The following GBE1 variants were observed in gnomAD, a reference collection of about 807,000 sequenced individuals.
GBE1 encodes the protein 1,4-alpha-glucan-branching enzyme.
In GBE1, 70 loss-of-function variants were observed where a neutral mutation model predicts 88.8. That is an observed-to-expected ratio of 0.79 (90% CI 0.65 to 0.96). GBE1 has a LOEUF of 0.96. GBE1 is among the 40% of genes least tolerant of loss of function. The pLI is 0.00. For synonymous variants in GBE1, 284 were observed against 300.1 expected (o/e 0.95, Z 0.56); for missense variants, 872 against 871.0 (o/e 1.00, Z -0.01).
At chr3:81,717,762 G>T (rs1705959710) in intron 1 of GBE1, among the ~76,000 whole-genome samples, 1 of 151,654 alleles carries the variant, frequency 6.6e-6, no homozygotes, top group Non-Finnish European at 1.5e-5. Context: ...TTCTTATTTG[G>T]GTGCTAAAAT....
chr3:81,702,421 C>T (rs888232023), intron 2 of GBE1, among the ~76,000 whole-genome samples: 1 of 151,890 alleles, frequency 6.6e-6, no homozygotes, highest in Admixed American at 6.6e-5. Flanking sequence ...TAACTTTGGA[C>T]ATAAAAAAGA....
chr3:81,671,055 A>G (rs1289532614), intron 2 of GBE1, 102 bp from the exon 3 acceptor site: 4 of 507,380 alleles, frequency 7.9e-6, no homozygotes, highest in Admixed American at 4.3e-5. Flanking sequence ...AAAAAATCAA[A>G]TTGTCTAAAA....
chr3:81,748,032 A>G (rs1224891397), intron 1 of GBE1, among the ~76,000 whole-genome samples: 1 of 152,202 alleles, frequency 6.6e-6, no homozygotes, highest in African/African-American at 2.4e-5. Flanking sequence ...AAGCAGGAGA[A>G]TCATTTCAAA....
intron 14 of GBE1, chr3:81,534,794 G>C (rs552487415): frequency 6.5e-6 from 1 of 153,754 alleles, no homozygotes; most frequent in South Asian, 2.0e-4. Context: ...GAAATATTCA[G>C]TTATACTTTT....
At chr3:81,621,218 G>A (rs983088015) in intron 7 of GBE1, among the ~76,000 whole-genome samples, 1 of 152,088 alleles carries the variant, frequency 6.6e-6, no homozygotes, top group Non-Finnish European at 1.5e-5. Flanking sequence ...ATTTGGTGAT[G>A]GATTGAGTGT....
intron 7 of GBE1, chr3:81,612,483 C>T (rs1283865513): frequency 6.8e-6 from 7 of 1,026,802 alleles, no homozygotes; most frequent in Admixed American, 1.8e-5. Context: ...AATTCTGTCA[C>T]TTCAACTCTG....
At chr3:81,569,848 C>G (rs1017916006) in intron 12 of GBE1, among the ~76,000 whole-genome samples, 1 of 151,990 alleles carries the variant, frequency 6.6e-6, no homozygotes, top group Non-Finnish European at 1.5e-5. Context: ...AGATTTTGCT[C>G]TTGTTGCCCA....
At chr3:81,527,983 A>G (rs1011389738) in intron 14 of GBE1, among the ~76,000 whole-genome samples, 3 of 152,082 alleles carry the variant, frequency 2.0e-5, no homozygotes, top group Non-Finnish European at 4.4e-5. Flanking sequence ...TCCAACAATG[A>G]TAGACTGGAT....
intron 14 of GBE1, among the ~76,000 whole-genome samples, chr3:81,516,077 C>T (rs537743204): frequency 8.6e-5 from 13 of 151,744 alleles, no homozygotes; most frequent in African/African-American, 2.4e-4. Context: ...TATTGATAAA[C>T]GTGACTACAC....
At chr3:81,716,204 T>A (rs1705934727) in intron 1 of GBE1, among the ~76,000 whole-genome samples, 1 of 152,202 alleles carries the variant, frequency 6.6e-6, no homozygotes, top group African/African-American at 2.4e-5. Flanking sequence ...TTGTTCTTAC[T>A]TAGTCTAAAG....
At chr3:81,510,145 G>A (rs1026078667) in intron 14 of GBE1, among the ~76,000 whole-genome samples, 2 of 151,956 alleles carry the variant, frequency 1.3e-5, no homozygotes, top group African/African-American at 4.8e-5. Flanking sequence ...CATCAAAGGG[G>A]TTTGTCAAAA....
rs1706132612 is a variant in GBE1, at chr3:81,727,725, A to C, written c.144-22112T>G. ...AGTACAAAAGAGAATATGAATGTCA[A>C]TATAAAATGAGACTCCAAGTAAAAA... is the stretch of plus-strand genomic sequence containing the variant. On this transcript the variant is annotated intron_variant, in intron 1 of 15. Coordinates refer to ENST00000429644, the MANE Select transcript of GBE1 (RefSeq NM_000158.4). 2.0e-5 allele frequency among the ~76,000 whole-genome samples: 3 copies of C among 152,348 alleles called. No homozygotes were observed. In the East Asian group the frequency reaches 5.8e-4, roughly 29 times the overall value.
intron 7 of GBE1, among the ~76,000 whole-genome samples, chr3:81,613,266 G>T (rs1230145411): frequency 1.3e-5 from 2 of 151,506 alleles, no homozygotes; most frequent in Non-Finnish European, 2.9e-5. Flanking sequence ...AACAGGAAAA[G>T]AGTCTCTACC....
At position 81,511,561 on chromosome 3, in the gene GBE1, G is replaced by A. The variant is rs79414018; in HGVS notation, c.1935-12334C>T. On this transcript the variant is annotated intron_variant, in intron 14 of 15. Transcript: ENST00000429644. ...ACTTCTTACAAGAAGACATACAAGC[G>A]TTCACCAAACACATGAAAAAAATGC... Among the ~76,000 whole-genome samples the A allele has an allele frequency of 6.2e-3, 938 of 151,704 alleles. 20 individuals carry two copies. Among genetic ancestry groups the A allele is most frequent in the African/African-American group, 0.022 (896 of 41,388 alleles).
rs72906277 is a variant in GBE1 at position 81,704,451 on chromosome 3, C to T, written c.313+993G>A. ...CAATCAGGATATAAAACATTTTCAC[C>T]ACCCCAAAAATTCCCTCACGTCCCT... On this transcript the variant is annotated intron_variant, in intron 2 of 15. Coordinates refer to ENST00000429644, the MANE Select transcript of GBE1 (RefSeq NM_000158.4). Among the ~76,000 whole-genome samples, 553 of 151,952 alleles carry T rather than the reference C, an allele frequency of 3.6e-3. 6 individuals are homozygous for T. Among genetic ancestry groups the T allele is most frequent in the African/African-American group, 0.013 (528 of 41,476 alleles).
At position 81,499,126 on chromosome 3, in the gene GBE1, C is replaced by A. The variant is rs758188572; in HGVS notation, c.2036G>T (p.Arg679Leu). 6.3e-7 allele frequency: 1 copy of A among 1,588,422 alleles called. No homozygotes were observed. The highest frequency in any genetic ancestry group is 2.2e-5 in the East Asian group (1 of 44,628). ...FFSEAFEHNG[R>L]PYSLLVYIPS... is the part of the protein sequence containing the mutation. ...CTTACTTACCAAAAGAGAATAGGGA[C>A]GCCCATTATGTTCAAAAGCCTCAGA... The change falls in exon 15 of 16, where the codon CGT becomes CTT. Residue 679 changes from arginine to leucine, a missense_variant. Physicochemically the swap from Arg to Leu is moderately radical, Grantham distance 102. Coordinates refer to ENST00000429644, the MANE Select transcript of GBE1 (RefSeq NM_000158.4).
intron 2 of GBE1, among the ~76,000 whole-genome samples, chr3:81,703,536 TTTATC>T (rs1238426341): frequency 1.3e-5 from 2 of 152,026 alleles, no homozygotes; most frequent in Admixed American, 6.6e-5. Context: ...TATATTTTAT[TTTATC>T]TTAAGTTATT....
intron 7 of GBE1, among the ~76,000 whole-genome samples, chr3:81,596,259 A>G (rs969985270): frequency 6.6e-6 from 1 of 151,924 alleles, no homozygotes; most frequent in Non-Finnish European, 1.5e-5. Context: ...CAAAAGTTAA[A>G]AGTATTAATT....
At chr3:81,661,082 C>G (rs1022522416) in intron 3 of GBE1, among the ~76,000 whole-genome samples, 4 of 151,242 alleles carry the variant, frequency 2.6e-5, no homozygotes, top group Non-Finnish European at 4.4e-5. Context: ...AATTGGATGA[C>G]TACATAATTT....
Sources: gnomAD v4.1 joint callset for allele counts (sites outside exome capture counted in the v4.1 genomes callset) on GRCh38, gnomAD v4.1.1 for gene constraint, MANE v1.5 for transcripts, NCBI Gene and HGNC (gene_info 2026-07-23, HGNC 2026-07-21) for gene names.